The following PTHLH variants were observed in gnomAD, a reference collection of about 807,000 sequenced individuals.
PTHLH encodes parathyroid hormone like hormone.
A neutral mutation model predicts 18.6 loss-of-function variants in PTHLH; 5 were observed. The ratio of observed to expected loss-of-function variants is 0.27; its 90% CI spans 0.14 to 0.56. PTHLH has a LOEUF of 0.56. Ranked by LOEUF, PTHLH falls within the 20% of genes least tolerant of loss-of-function variation. The probability of loss-of-function intolerance (pLI) is 0.92; values close to 1 mark genes in which losing one functional copy is unlikely to be tolerated. For missense variants in PTHLH, 207 were observed against 223.9 expected (o/e 0.92, Z 0.48); for synonymous variants, 90 against 94.0 (o/e 0.96, Z 0.25).
chr12:27,966,034 T>C (rs2062809520), intron 4 of PTHLH, among the ~76,000 whole-genome samples: 1 of 152,204 alleles, frequency 6.6e-6, no homozygotes, highest in East Asian at 1.9e-4. Flanking sequence ...CATTTTAGCT[T>C]AACTTGAGGC....
At chr12:27,962,309 A>G (rs2062769747) in intron 5 of PTHLH, 1 of 204,348 alleles carries the variant, frequency 4.9e-6, no homozygotes, top group South Asian at 1.6e-4. Flanking sequence ...ACTAGTTCCA[A>G]AAACACCAAA....
chr12:27,959,500 C>T (rs1325225343), intron 5 of PTHLH, among the ~76,000 whole-genome samples: 1 of 152,106 alleles, frequency 6.6e-6, no homozygotes, highest in African/African-American at 2.4e-5. Context: ...TTCTGTCTCC[C>T]TTTCTCTTCT....
chr12:27,968,699 T>C (rs572766446), intron 4 of PTHLH, among the ~76,000 whole-genome samples: 1 of 152,340 alleles, frequency 6.6e-6, no homozygotes, highest in South Asian at 2.1e-4. Flanking sequence ...ATACAAGTTT[T>C]CAGTCTACAA....
intron 1 of PTHLH, among the ~76,000 whole-genome samples, 199 bp downstream of exon 1, chr12:27,972,324 T>C (rs1046772660): frequency 3.9e-5 from 6 of 152,224 alleles, no homozygotes; most frequent in African/African-American, 9.6e-5. Flanking sequence ...CTTTTTCTAC[T>C]AATTAAACAA....
intron 4 of PTHLH, among the ~76,000 whole-genome samples, chr12:27,964,247 TCTCTCTCTCTCTCTCTCTCTC>T (rs376406890): frequency 0.28 from 21,928 of 79,084 alleles, 1,762 homozygotes; most frequent in Middle Eastern, 0.44. Flanking sequence ...TCTCTCTCTC[TCTCTCTCTCTCTCTCTCTCTC>T]CTCTCTCTCT....
At chr12:27,961,460 T>C (rs974717874) in intron 5 of PTHLH, among the ~76,000 whole-genome samples, 2 of 146,822 alleles carry the variant, frequency 1.4e-5, no homozygotes, top group African/African-American at 5.1e-5. Flanking sequence ...ATTTATTGAA[T>C]GTTTACTATA....
Position 27,970,268 on chromosome 12 carries a change from C to G in PTHLH, c.-265-1G>C, listed in dbSNP as rs1475743385. The G allele has an allele frequency of 2.5e-6, 1 of 407,554 alleles. No homozygotes were observed. Among genetic ancestry groups the G allele is most frequent in the African/African-American group, 2.1e-5 (1 of 48,552 alleles). 25.2% of individuals were successfully genotyped at this position (407,554 alleles called of 1,614,324 possible). ...AATGTTCACACGCTCCGAGGCAAACCTGCCGGAGAAGTGAGCTAGTCGCAA... is the reference window on the plus strand; with the variant it reads ...AATGTTCACACGCTCCGAGGCAAACGTGCCGGAGAAGTGAGCTAGTCGCAA... On this transcript the variant is annotated splice_acceptor_variant, in intron 2 of 5. Transcript: ENST00000545234. LOFTEE classifies it low-confidence loss of function (5UTR_SPLICE).
At chr12:27,968,421 C>T (rs1020879488) in intron 4 of PTHLH, among the ~76,000 whole-genome samples, 6 of 152,170 alleles carry the variant, frequency 3.9e-5, no homozygotes, top group African/African-American at 1.4e-4. Context: ...GCCTTAATTC[C>T]TTCTCCAGAG....
intron 2 of PTHLH, among the ~76,000 whole-genome samples, 194 bp downstream of exon 2, chr12:27,971,733 G>T (rs993940258): frequency 3.3e-5 from 5 of 151,828 alleles, no homozygotes; most frequent in African/African-American, 1.2e-4. Context: ...TGTAAACCCC[G>T]TACCTTAAAA....
At chr12:27,965,381 T>C (rs558083423) in intron 4 of PTHLH, among the ~76,000 whole-genome samples, 5 of 152,366 alleles carry the variant, frequency 3.3e-5, no homozygotes, top group African/African-American at 1.2e-4. Flanking sequence ...ACCACAATAA[T>C]AGGCAGATTG....
At position 27,967,385 on chromosome 12, in the gene PTHLH, T is replaced by TA. The variant is rs370770492; in HGVS notation, c.101+2008dup. Among the ~76,000 whole-genome samples, 20 of 150,732 alleles carry TA rather than the reference T, an allele frequency of 1.3e-4. 1 individual carries two copies. Among genetic ancestry groups the TA allele is most frequent in the South Asian group, 1.1e-3 (5 of 4,754 alleles). On this transcript the variant is annotated intron_variant, in intron 4 of 5. Transcript: ENST00000545234. ...TCTCCCTTAAAAGTTAGCATCTAGT[T>TA]AAAAAAAAAATCTATACTTCTAAAG... is the stretch of plus-strand genomic sequence containing the variant.
At chr12:27,960,310 A>T (rs1339077877) in intron 5 of PTHLH, among the ~76,000 whole-genome samples, 1 of 152,240 alleles carries the variant, frequency 6.6e-6, no homozygotes, top group Non-Finnish European at 1.5e-5. Flanking sequence ...TCTGGATATC[A>T]CATTTGAAGC....
intron 2 of PTHLH, among the ~76,000 whole-genome samples, chr12:27,971,652 T>C (rs941172352): frequency 2.0e-5 from 3 of 151,848 alleles, no homozygotes; most frequent in Non-Finnish European, 4.4e-5. Context: ...AGCTAGCAGT[T>C]AAAGTTTACT....
intron 5 of PTHLH, among the ~76,000 whole-genome samples, chr12:27,961,338 T>C (rs1445197796): frequency 7.2e-6 from 1 of 138,906 alleles, no homozygotes; most frequent in African/African-American, 2.6e-5. Flanking sequence ...TATATACTTT[T>C]TGCCTCATAG....
chr12:27,962,218 A>G, intron 5 of PTHLH: 1 of 414,468 alleles, frequency 2.4e-6, no homozygotes, highest in South Asian at 4.4e-5. Context: ...TTTGCCTCAT[A>G]GAAACATACC....
intron 5 of PTHLH, among the ~76,000 whole-genome samples, chr12:27,961,005 A>G (rs1342980023): frequency 6.6e-6 from 1 of 151,862 alleles, no homozygotes; most frequent in Non-Finnish European, 1.5e-5. Flanking sequence ...GAGTGCCAAC[A>G]TTTGGCTGCC....
intron 4 of PTHLH, among the ~76,000 whole-genome samples, chr12:27,968,902 C>T (rs1263511742): frequency 3.3e-5 from 5 of 152,110 alleles, no homozygotes; most frequent in African/African-American, 4.8e-5. Context: ...GTAATGTGTT[C>T]CTATTTTATA....
intron 4 of PTHLH, among the ~76,000 whole-genome samples, chr12:27,966,060 T>C (rs2062810054): frequency 1.3e-5 from 2 of 152,182 alleles, no homozygotes; most frequent in African/African-American, 2.4e-5. Flanking sequence ...CTTTTAATGG[T>C]TGGTCTATTC....
rs947114429 is a variant in PTHLH at position 27,970,203 on chromosome 12, G to A, written c.-201C>T. The A allele has an allele frequency of 1.4e-5, 7 of 507,468 alleles. No homozygotes were observed. The highest frequency in any genetic ancestry group is 1.2e-4 in the African/African-American group (6 of 51,658). The allele number at this position is 507,468 out of a possible 1,614,324, so 31.4% of individuals were successfully genotyped here. A position where few individuals can be genotyped will look rare whatever the true frequency, so the allele number is the denominator to read the frequency against. ...CACGGGCGGGGAGACATGCTGGCCGGGCGGCGCAGGTTGGAGGCGAGTTGA... is the reference window on the plus strand; with the variant it reads ...CACGGGCGGGGAGACATGCTGGCCGAGCGGCGCAGGTTGGAGGCGAGTTGA... On this transcript the variant is annotated 5_prime_UTR_variant, in exon 3 of 6. Coordinates refer to ENST00000545234, the MANE Select transcript of PTHLH (RefSeq NM_198965.2).
Sources: allele counts gnomAD v4.1 joint callset (sites outside exome capture counted in the v4.1 genomes callset), GRCh38; gene constraint gnomAD v4.1.1; transcripts MANE v1.5; gene names NCBI Gene and HGNC (gene_info 2026-07-23, HGNC 2026-07-21).